The following TGFA variants were observed in gnomAD, a reference collection of about 807,000 sequenced individuals.
The protein encoded by TGFA is transforming growth factor alpha.
TGFA carries 12 observed loss-of-function variants against 21.7 expected under a neutral mutation model. The ratio of observed to expected loss-of-function variants is 0.55; its 90% CI spans 0.35 to 0.90. The LOEUF is 0.90. Ranked by LOEUF, TGFA falls within the 40% of genes least tolerant of loss-of-function variation. TGFA has a pLI of 0.01. For synonymous variants in TGFA, 79 were observed against 88.1 expected, an observed-to-expected ratio of 0.90 and a Z score of 0.58; for missense variants, 178 against 210.8, an observed-to-expected ratio of 0.84 and a Z score of 0.96.
At chr2:70,454,394 T>C (rs1670158152) in intron 4 of TGFA, among the ~76,000 whole-genome samples, 1 of 152,248 alleles carries the variant, frequency 6.6e-6, no homozygotes, top group Non-Finnish European at 1.5e-5. Flanking sequence ...AAGCTGCTTA[T>C]GTTACAGGTG....
In TGFA at chr2:70,449,689, G is replaced by T. The variant is rs1326785976; in HGVS notation, c.*1170C>A. The T allele has an allele frequency of 5.5e-6, 1 of 182,926 alleles. No homozygotes were observed. Among genetic ancestry groups the T allele is most frequent in the Non-Finnish European group, 1.2e-5 (1 of 81,930 alleles). 11.3% of individuals were successfully genotyped at this position (182,926 alleles called of 1,614,324 possible). A position where few individuals can be genotyped will look rare whatever the true frequency, so the allele number is the denominator to read the frequency against. ...CTAGTGCTCGAAAATAAATAGCAAA[G>T]TTAAACTTCTCCTTTTAAAAATAAA... On this transcript the variant is annotated 3_prime_UTR_variant, in exon 6 of 6. Coordinates refer to ENST00000295400, the MANE Select transcript of TGFA (RefSeq NM_003236.4).
intron 2 of TGFA, among the ~76,000 whole-genome samples, chr2:70,469,072 C>T (rs1425535480): frequency 6.6e-6 from 1 of 152,072 alleles, no homozygotes; most frequent in Admixed American, 6.5e-5. Context: ...AAACCACCAC[C>T]TCCAAGTGGC....
At chr2:70,454,364 G>T (rs4852596) in intron 4 of TGFA, among the ~76,000 whole-genome samples, 20,783 of 152,242 alleles carry the variant, frequency 0.14, 1,718 homozygotes, top group Admixed American at 0.26. Context: ...TAAGGAGGAG[G>T]CTCTGAGACC....
At chr2:70,471,959 C>T (rs999310174) in intron 2 of TGFA, among the ~76,000 whole-genome samples, 9 of 152,122 alleles carry the variant, frequency 5.9e-5, no homozygotes, top group East Asian at 1.9e-4. Context: ...TTCTCTCAGC[C>T]TCTCTCTCAG....
intron 2 of TGFA, among the ~76,000 whole-genome samples, chr2:70,499,471 G>T (rs889962390): frequency 1.3e-5 from 2 of 152,224 alleles, no homozygotes; most frequent in South Asian, 4.1e-4. Context: ...TGTCACTGCA[G>T]CATAACCTAA....
intron 1 of TGFA, among the ~76,000 whole-genome samples, chr2:70,533,596 A>G (rs1280737243): frequency 6.6e-6 from 1 of 152,178 alleles, no homozygotes; most frequent in Non-Finnish European, 1.5e-5. Context: ...TTCCTCCCCA[A>G]CAGACCAGCA....
intron 2 of TGFA, among the ~76,000 whole-genome samples, chr2:70,477,510 G>A (rs1670975215): frequency 6.6e-6 from 1 of 152,192 alleles, no homozygotes; most frequent in East Asian, 1.9e-4. Context: ...AGACTCCCAG[G>A]AGTTCCCCTA....
chr2:70,454,215 A>T (rs1428916233), intron 4 of TGFA, among the ~76,000 whole-genome samples: 5 of 152,160 alleles, frequency 3.3e-5, no homozygotes, highest in Admixed American at 3.3e-4. Context: ...AGAGATGAAG[A>T]AATAAGCCTG....
chr2:70,477,124 G>A (rs1160263642), intron 2 of TGFA, among the ~76,000 whole-genome samples: 1 of 152,186 alleles, frequency 6.6e-6, no homozygotes, highest in East Asian at 1.9e-4. Flanking sequence ...TTTATTCACA[G>A]ACAGAATTGT....
At chr2:70,532,867 T>TTTC (rs200277809) in intron 1 of TGFA, among the ~76,000 whole-genome samples, 21 of 14,500 alleles carry the variant, frequency 1.4e-3, no homozygotes, top group East Asian at 4.1e-3. Flanking sequence ...TTCTTTTTCT[T>TTTC]TTTTTTTTTT....
intron 1 of TGFA, chr2:70,553,481 C>T (rs1673579961): frequency 7.1e-7 from 1 of 1,400,912 alleles, no homozygotes; most frequent in Non-Finnish European, 9.2e-7. Flanking sequence ...GCTTCCCCTT[C>T]CCAGGTGTTC....
In TGFA at chr2:70,523,777, C is replaced by T. The variant is rs782219314; in HGVS notation, c.41-8865G>A. On this transcript the variant is annotated intron_variant, in intron 1 of 5. Coordinates refer to ENST00000295400, the MANE Select transcript of TGFA (RefSeq NM_003236.4). ...TTAGGAGAGCTGGTTACTATCTTTC[C>T]CTACTTCAAGAGACAAATGAGAATA... Among the ~76,000 whole-genome samples the T allele has an allele frequency of 7.2e-5, 11 of 152,190 alleles. 1 individual carries two copies. In the East Asian group the frequency reaches 2.1e-3, roughly 29 times the overall value.
At chr2:70,516,011 A>T (rs1449643907) in intron 1 of TGFA, among the ~76,000 whole-genome samples, 1 of 152,200 alleles carries the variant, frequency 6.6e-6, no homozygotes. Context: ...GCATGCCCAT[A>T]AAACCAGCCC....
At chr2:70,545,192 G>A (rs1673257361) in intron 1 of TGFA, among the ~76,000 whole-genome samples, 1 of 151,894 alleles carries the variant, frequency 6.6e-6, no homozygotes, top group Non-Finnish European at 1.5e-5. Context: ...GTTGGAAGGA[G>A]ACCAAGGAGA....
At chr2:70,507,093 A>C (rs1014601347) in intron 2 of TGFA, among the ~76,000 whole-genome samples, 14 of 152,204 alleles carry the variant, frequency 9.2e-5, no homozygotes, top group African/African-American at 3.1e-4. Context: ...CTGGGAGCCA[A>C]GCTACAAAAA....
chr2:70,552,221 A>G (rs188477337), intron 1 of TGFA, among the ~76,000 whole-genome samples: 2 of 152,262 alleles, frequency 1.3e-5, no homozygotes, highest in Admixed American at 6.5e-5. Flanking sequence ...CTATATAATG[A>G]GAATAATATT....
intron 3 of TGFA, among the ~76,000 whole-genome samples, chr2:70,457,915 T>A (rs1006930461): frequency 6.6e-6 from 1 of 152,084 alleles, no homozygotes; most frequent in Non-Finnish European, 1.5e-5. Flanking sequence ...GTTTTGTTTT[T>A]CCCCCAGACA....
chr2:70,504,473 CATACAT>C (rs1338821435), intron 2 of TGFA, among the ~76,000 whole-genome samples: 1,607 of 78,798 alleles, frequency 0.02, 45 homozygotes, highest in Middle Eastern at 0.046. Context: ...TACACACATA[CATACAT>C]ACATACACAC....
intron 2 of TGFA, among the ~76,000 whole-genome samples, chr2:70,509,486 T>G (rs1252892804): frequency 6.6e-6 from 1 of 152,204 alleles, no homozygotes; most frequent in Non-Finnish European, 1.5e-5. Context: ...CTAAGCCAGC[T>G]GATAATGGTG....
Sources: allele counts gnomAD v4.1 joint callset (sites outside exome capture counted in the v4.1 genomes callset), GRCh38; gene constraint gnomAD v4.1.1; transcripts MANE v1.5; gene names NCBI Gene and HGNC (gene_info 2026-07-23, HGNC 2026-07-21).